The following FTO variants were observed in gnomAD, a reference collection of about 807,000 sequenced individuals.
The protein encoded by FTO is alpha-ketoglutarate-dependent dioxygenase FTO.
FTO carries 47 observed loss-of-function variants against 63.9 expected under a neutral mutation model. The observed-to-expected ratio is 0.74, with a 90% CI of 0.58 to 0.94. FTO has a LOEUF of 0.94. Among genes scored for constraint, FTO ranks in the 40% least tolerant of loss-of-function variants. The probability of loss-of-function intolerance (pLI) is 0.00; values close to 1 mark genes in which losing one functional copy is unlikely to be tolerated. For synonymous variants in FTO, 207 were observed against 224.4 expected (o/e 0.92, Z 0.69); for missense variants, 562 against 618.1 (o/e 0.91, Z 0.96).
intron 5 of FTO, among the ~76,000 whole-genome samples, chr16:53,874,828 C>A (rs2080601534): frequency 6.6e-6 from 1 of 152,114 alleles, no homozygotes; most frequent in South Asian, 2.1e-4. Context: ...TTCCTTTCTC[C>A]CCTTTCTTCT....
chr16:53,878,860 G>C (rs983044904), intron 5 of FTO, among the ~76,000 whole-genome samples: 1 of 152,202 alleles, frequency 6.6e-6, no homozygotes, highest in African/African-American at 2.4e-5. Flanking sequence ...CAGGTACTAA[G>C]TTATGCCTTT....
At chr16:53,894,575 G>A (rs1481239065) in intron 7 of FTO, among the ~76,000 whole-genome samples, 1 of 152,130 alleles carries the variant, frequency 6.6e-6, no homozygotes, top group Non-Finnish European at 1.5e-5. Flanking sequence ...AGAAGAAAGT[G>A]ATGGAAATAT....
chr16:53,881,769 T>G (rs144150932), intron 6 of FTO, among the ~76,000 whole-genome samples: 12 of 152,360 alleles, frequency 7.9e-5, no homozygotes, highest in African/African-American at 2.6e-4. Context: ...AAATCAACTC[T>G]TTTTTAACAT....
At chr16:53,892,993 C>T (rs1316464911) in intron 7 of FTO, among the ~76,000 whole-genome samples, 2 of 152,224 alleles carry the variant, frequency 1.3e-5, no homozygotes, top group Non-Finnish European at 2.9e-5. Context: ...CATTTCCTGT[C>T]CCAGAAAACA....
In FTO at chr16:53,903,776, C is replaced by G. The variant is rs572378250; in HGVS notation, c.1239+14825C>G. The stretch of plus-strand genomic sequence containing the variant: ...GTATCCTAATACATAACGTTTTTCA[C>G]AAGTGAGATCTATGGTAATTAATAC... On this transcript the variant is annotated intron_variant, in intron 7 of 8. Coordinates refer to ENST00000471389, the MANE Select transcript of FTO (RefSeq NM_001080432.3). Among the ~76,000 whole-genome samples the G allele has an allele frequency of 2.2e-3, 342 of 152,148 alleles. 1 individual carries two copies. The highest frequency in any genetic ancestry group is 3.9e-3 in the Non-Finnish European group (265 of 68,008).
chr16:53,962,227 C>T (rs946636807), intron 8 of FTO, among the ~76,000 whole-genome samples: 1 of 152,130 alleles, frequency 6.6e-6, no homozygotes, highest in Non-Finnish European at 1.5e-5. Context: ...GGTCAGAGCT[C>T]GTGGTGAAGG....
intron 3 of FTO, among the ~76,000 whole-genome samples, chr16:53,834,861 A>T (rs2079246729): frequency 1.3e-5 from 2 of 152,126 alleles, no homozygotes; most frequent in African/African-American, 4.8e-5. Context: ...GTGAAGATTT[A>T]CCTAGCTCTC....
intron 8 of FTO, among the ~76,000 whole-genome samples, chr16:54,009,016 C>G (rs898330477): frequency 2.0e-5 from 3 of 150,932 alleles, no homozygotes; most frequent in East Asian, 1.9e-4. Context: ...TGTCCCCCCC[C>G]CAAAAAAAAA....
chr16:53,709,675 A>G (rs887761092), intron 1 of FTO, among the ~76,000 whole-genome samples: 2 of 152,204 alleles, frequency 1.3e-5, no homozygotes, highest in African/African-American at 4.8e-5. Context: ...GAAGAGCAAG[A>G]GTAGAACCTA....
chr16:54,015,785 A>G (rs2084430385), intron 8 of FTO, among the ~76,000 whole-genome samples: 1 of 152,212 alleles, frequency 6.6e-6, no homozygotes, highest in African/African-American at 2.4e-5. Context: ...CCTGTTTGCC[A>G]GATAAGGAAG....
chr16:53,723,477 G>C (rs1234266400), intron 1 of FTO, among the ~76,000 whole-genome samples: 4 of 152,134 alleles, frequency 2.6e-5, no homozygotes, highest in Non-Finnish European at 5.9e-5. Context: ...AGGAAAACGG[G>C]TCACCTGGTT....
intron 8 of FTO, among the ~76,000 whole-genome samples, chr16:54,095,746 C>T (rs1297863900): frequency 6.6e-6 from 1 of 152,112 alleles, no homozygotes; most frequent in Non-Finnish European, 1.5e-5. Context: ...TCTGCTGCCC[C>T]CCGCCTGGGA....
At chr16:53,853,830 A>G (rs2079891801) in intron 4 of FTO, among the ~76,000 whole-genome samples, 1 of 152,172 alleles carries the variant, frequency 6.6e-6, no homozygotes, top group Non-Finnish European at 1.5e-5. Context: ...TTTTTCAGGT[A>G]GATACCCAGC....
At chr16:53,754,497 G>C (rs2076873417) in intron 1 of FTO, among the ~76,000 whole-genome samples, 1 of 152,200 alleles carries the variant, frequency 6.6e-6, no homozygotes, top group Non-Finnish European at 1.5e-5. Flanking sequence ...AATTGGCCGG[G>C]CACGGTGGCG....
chr16:54,106,586 TATA>T lies in FTO; in HGVS notation c.1365-5169_1365-5167del, dbSNP rs543392731. Among the ~76,000 whole-genome samples the T allele has an allele frequency of 2.1e-3, 290 of 141,268 alleles. 3 individuals are homozygous for T. Among genetic ancestry groups the T allele is most frequent in the African/African-American group, 6.8e-3 (261 of 38,642 alleles). 92.7% of individuals were successfully genotyped at this position (141,268 alleles called of 152,430 possible). A position where few individuals can be genotyped will look rare whatever the true frequency, so the allele number is the denominator to read the frequency against. The stretch of plus-strand genomic sequence containing the variant: ...TTATTCTATATATTTATTATATAAT[TATA>T]ATAATAGTTATATCATATAATTATA... On this transcript the variant is annotated intron_variant, in intron 8 of 8. Transcript: ENST00000471389.
chr16:53,977,525 T>A (rs2083457361), intron 8 of FTO, among the ~76,000 whole-genome samples: 1 of 152,222 alleles, frequency 6.6e-6, no homozygotes, highest in Admixed American at 6.5e-5. Context: ...ATCCAAAGCT[T>A]GATTGGCTTT....
chr16:53,989,668 T>A lies in FTO; in HGVS notation c.1364+55559T>A, dbSNP rs141542912. On this transcript the variant is annotated intron_variant, in intron 8 of 8. Coordinates refer to ENST00000471389, the MANE Select transcript of FTO (RefSeq NM_001080432.3). ...CCTCATCTATAAGGCGGGAATAATA[T>A]TAACACAGCTGACACTTGAGCAACA... Among the ~76,000 whole-genome samples, 340 of 152,266 alleles carry A rather than the reference T, an allele frequency of 2.2e-3. 3 individuals carry two copies. Among genetic ancestry groups the A allele is most frequent in the Non-Finnish European group, 3.4e-3 (234 of 68,024 alleles).
Position 54,112,750 on chromosome 16 carries a change from T to C in FTO, c.*835T>C, listed in dbSNP as rs1416072508. 6.6e-6 allele frequency: 1 copy of C among 152,254 alleles called. No homozygotes were observed. The highest frequency in any genetic ancestry group is 1.5e-5 in the Non-Finnish European group (1 of 68,054). 9.4% of individuals were successfully genotyped at this position (152,254 alleles called of 1,614,324 possible). On this transcript the variant is annotated 3_prime_UTR_variant, in exon 9 of 9. Transcript: ENST00000471389. The stretch of plus-strand genomic sequence containing the variant: ...TAAAATAAAGTTGATATCCTGTCTT[T>C]AGGGAGTTCCCTTGATCTCTTGAAA...
chr16:53,795,780 G>T (rs2078050147), intron 1 of FTO, among the ~76,000 whole-genome samples: 3 of 152,240 alleles, frequency 2.0e-5, no homozygotes, highest in South Asian at 4.1e-4. Context: ...ACGAAAGAAA[G>T]ATTAGCAACA....
Sources: allele counts gnomAD v4.1 joint callset (sites outside exome capture counted in the v4.1 genomes callset), GRCh38; gene constraint gnomAD v4.1.1; transcripts MANE v1.5; gene names NCBI Gene and HGNC (gene_info 2026-07-23, HGNC 2026-07-21).